Variants in CAMK2D observed in about 807,000 individuals in gnomAD.
CAMK2D encodes the protein calcium/calmodulin dependent protein kinase II delta.
CAMK2D carries 37 observed loss-of-function variants against 84.0 expected under a neutral mutation model. The observed-to-expected ratio is 0.44, with a 90% CI of 0.34 to 0.58. CAMK2D has a LOEUF of 0.58. CAMK2D is among the 20% of genes least tolerant of loss of function. CAMK2D has a pLI of 0.02. For missense variants in CAMK2D, 448 were observed against 652.5 expected (o/e 0.69, Z 3.41); for synonymous variants, 202 against 212.5 (o/e 0.95, Z 0.43).
intron 11 of CAMK2D, among the ~76,000 whole-genome samples, chr4:113,513,594 A>G (rs2098247180): frequency 6.6e-6 from 1 of 152,164 alleles, no homozygotes; most frequent in Non-Finnish European, 1.5e-5. Context: ...ATCAAATTGC[A>G]CAGCTGTTTT....
At chr4:113,535,947 T>G (rs1185550323) in intron 7 of CAMK2D, among the ~76,000 whole-genome samples, 1 of 152,202 alleles carries the variant, frequency 6.6e-6, no homozygotes, top group African/African-American at 2.4e-5. Context: ...ATCTCTAGTA[T>G]TTGCTTTGCC....
chr4:113,496,415 G>A (rs1241820032), intron 16 of CAMK2D, among the ~76,000 whole-genome samples: 4 of 149,802 alleles, frequency 2.7e-5, no homozygotes, highest in Admixed American at 6.7e-5. Flanking sequence ...CTTCCATGAT[G>A]GTAATTATGC....
intron 13 of CAMK2D, 27 bp from the exon 14 acceptor site, chr4:113,505,062 G>A (rs1371037667): frequency 1.4e-6 from 2 of 1,479,568 alleles, no homozygotes; most frequent in African/African-American, 2.8e-5. Context: ...AATAGAAACA[G>A]AGATGCCTTA....
intron 8 of CAMK2D, among the ~76,000 whole-genome samples, chr4:113,528,375 G>A (rs1441648995): frequency 6.6e-6 from 1 of 152,138 alleles, no homozygotes; most frequent in African/African-American, 2.4e-5. Context: ...CATACAGCAA[G>A]TGAACTGAGA....
At chr4:113,483,779 C>T (rs556126285) in intron 16 of CAMK2D, among the ~76,000 whole-genome samples, 29 of 151,962 alleles carry the variant, frequency 1.9e-4, no homozygotes, top group Admixed American at 7.2e-4. Flanking sequence ...CAGAGAGAGA[C>T]CCTGTCTCTA....
At chr4:113,549,247 C>T (rs112247071) in intron 5 of CAMK2D, among the ~76,000 whole-genome samples, 81 of 152,218 alleles carry the variant, frequency 5.3e-4, no homozygotes, top group African/African-American at 1.8e-3. Context: ...GCCTTAGAAG[C>T]GTTGCTTTTT....
intron 4 of CAMK2D, among the ~76,000 whole-genome samples, chr4:113,596,679 C>T (rs181883845): frequency 6.6e-6 from 1 of 152,162 alleles, no homozygotes; most frequent in Non-Finnish European, 1.5e-5. Context: ...TTTTCTTCCC[C>T]CCCAGGCAGT....
intron 15 of CAMK2D, among the ~76,000 whole-genome samples, chr4:113,501,599 G>A (rs1025482164): frequency 1.3e-5 from 2 of 152,022 alleles, no homozygotes; most frequent in African/African-American, 4.8e-5. Context: ...AATTAAAGGT[G>A]TACCCAGAGT....
At chr4:113,654,915 G>A (rs958587564) in intron 3 of CAMK2D, among the ~76,000 whole-genome samples, 1 of 151,690 alleles carries the variant, frequency 6.6e-6, no homozygotes, top group African/African-American at 2.4e-5. Flanking sequence ...ATATTTGAAA[G>A]TTTCTGAAAT....
At chr4:113,465,098 C>A (rs2097441183) in intron 17 of CAMK2D, among the ~76,000 whole-genome samples, 2 of 151,962 alleles carry the variant, frequency 1.3e-5, no homozygotes, top group Admixed American at 6.6e-5. Flanking sequence ...AGTGATGTGA[C>A]CATGGCTCCA....
chr4:113,761,344 C>T lies in CAMK2D; in HGVS notation c.-276G>A. ...TTCTCCACTGGACGCTCCACCCGCC[C>T]CTTTTCCAGTCCCTGTCCCCAAATG... On this transcript the variant is annotated 5_prime_UTR_variant, in exon 1 of 21. Coordinates refer to ENST00000511664, the MANE Select transcript of CAMK2D (RefSeq NM_001321571.2). 1.4e-6 allele frequency: 2 copies of T among 1,384,406 alleles called. No homozygotes were observed. Among genetic ancestry groups the T allele is most frequent in the Non-Finnish European group, 9.4e-7 (1 of 1,067,704 alleles). The allele number at this position is 1,384,406 out of a possible 1,614,324, so 85.8% of individuals were successfully genotyped here. A position where few individuals can be genotyped will look rare whatever the true frequency, so the allele number is the denominator to read the frequency against.
At chr4:113,706,494 A>G (rs1475979487) in intron 2 of CAMK2D, among the ~76,000 whole-genome samples, 1 of 152,222 alleles carries the variant, frequency 6.6e-6, no homozygotes, top group Non-Finnish European at 1.5e-5. Flanking sequence ...TGAAAGGGGT[A>G]CTATGCTAGT....
chr4:113,634,006 T>C (rs2099100699), intron 3 of CAMK2D, among the ~76,000 whole-genome samples: 2 of 152,236 alleles, frequency 1.3e-5, no homozygotes, highest in African/African-American at 4.8e-5. Context: ...AGAATGTCTT[T>C]ACTTGCTTTT....
intron 1 of CAMK2D, among the ~76,000 whole-genome samples, chr4:113,760,486 T>TA (rs2099638660): frequency 6.6e-6 from 1 of 152,130 alleles, no homozygotes; most frequent in East Asian, 1.9e-4. Flanking sequence ...GGATGCGAAA[T>TA]AGACTCTATG....
chr4:113,632,645 G>A (rs2099094697), intron 3 of CAMK2D, among the ~76,000 whole-genome samples: 1 of 151,984 alleles, frequency 6.6e-6, no homozygotes, highest in Admixed American at 6.6e-5. Context: ...AAAAATCAAA[G>A]GAGGCAGAGA....
chr4:113,728,316 TAAGA>T, intron 2 of CAMK2D, among the ~76,000 whole-genome samples: 1 of 152,140 alleles, frequency 6.6e-6, no homozygotes, highest in Non-Finnish European at 1.5e-5. Flanking sequence ...TCCTCAGCCA[TAAGA>T]AAGAACAAAC....
At position 113,503,441 on chromosome 4, in the gene CAMK2D, A is replaced by G; in HGVS notation, c.1045-464T>C. 1.2e-5 allele frequency: 4 copies of G among 338,044 alleles called. No individual in the cohort carries two copies. The Middle Eastern group carries it at 1.6e-3, about 134-fold the overall frequency. The allele number at this position is 338,044 out of a possible 1,614,324, so 20.9% of individuals were successfully genotyped here. ...AAACTCGATTATGGTGTCATTAATT[A>G]ATACGTAACTGAATACCCTTATAAA... On this transcript the variant is annotated intron_variant, in intron 14 of 20. Transcript: ENST00000511664.
chr4:113,630,718 G>C (rs113710809), intron 3 of CAMK2D, among the ~76,000 whole-genome samples: 53 of 152,160 alleles, frequency 3.5e-4, no homozygotes, highest in Admixed American at 7.2e-4. Context: ...GAGAAAAATG[G>C]AAAGTCTGTG....
chr4:113,600,594 G>T (rs1042726270), intron 4 of CAMK2D, among the ~76,000 whole-genome samples: 3 of 152,110 alleles, frequency 2.0e-5, no homozygotes, highest in Admixed American at 6.5e-5. Flanking sequence ...ATAACACCAA[G>T]AAATCCAGAT....
Sources: allele counts gnomAD v4.1 joint callset (sites outside exome capture counted in the v4.1 genomes callset), GRCh38; gene constraint gnomAD v4.1.1; transcripts MANE v1.5; gene names NCBI Gene and HGNC (gene_info 2026-07-23, HGNC 2026-07-21).